Variants in DLG2 observed in about 807,000 individuals in gnomAD.
The protein encoded by DLG2 is discs large MAGUK scaffold protein 2.
Under a neutral mutation model 132.5 loss-of-function variants are expected in DLG2, and 45 were observed. That is an observed-to-expected ratio of 0.34 (90% CI 0.27 to 0.44). The LOEUF is 0.44. Among genes scored for constraint, DLG2 ranks in the 20% least tolerant of loss-of-function variants. The probability of loss-of-function intolerance (pLI) is 1.00; values close to 1 mark genes in which losing one functional copy is unlikely to be tolerated. For synonymous variants in DLG2, 424 were observed against 419.6 expected, an observed-to-expected ratio of 1.01 and a Z score of -0.13; for missense variants, 1,045 against 1,196.9, an observed-to-expected ratio of 0.87 and a Z score of 1.87.
chr11:85,411,195 C>A (rs1414686157), intron 3 of DLG2, among the ~76,000 whole-genome samples: 1 of 151,572 alleles, frequency 6.6e-6, no homozygotes, highest in Non-Finnish European at 1.5e-5. Flanking sequence ...ATGATCAAGG[C>A]AGTACCTTAT....
chr11:84,616,398 G>A (rs2099604517), intron 6 of DLG2, among the ~76,000 whole-genome samples: 2 of 152,048 alleles, frequency 1.3e-5, no homozygotes, highest in African/African-American at 4.8e-5. Flanking sequence ...AATAGGCAGG[G>A]GAACTGTCTG....
At chr11:84,502,059 TTTTTC>T (rs1241178087) in intron 7 of DLG2, among the ~76,000 whole-genome samples, 2 of 151,694 alleles carry the variant, frequency 1.3e-5, no homozygotes, top group Non-Finnish European at 2.9e-5. Context: ...TTCTTTTCTT[TTTTTC>T]TTTTCTTTTT....
At chr11:84,204,326 A>T (rs2096637582) in intron 8 of DLG2, among the ~76,000 whole-genome samples, 1 of 152,252 alleles carries the variant, frequency 6.6e-6, no homozygotes. Flanking sequence ...AACACAAAAA[A>T]TAGAAATAGA....
At position 83,541,663 on chromosome 11, in the gene DLG2, G is replaced by C; in HGVS notation, c.2117+19C>G. On this transcript the variant is annotated intron_variant, in intron 20 of 27. Coordinates refer to ENST00000376104, the MANE Select transcript of DLG2 (RefSeq NM_001142699.3). Reference sequence around the variant, plus strand: ...GGATAGCTGACAAGCAAATATTCTAGTACAAAAGGCATTCTTACCTCCTTT... The same window carrying C: ...GGATAGCTGACAAGCAAATATTCTACTACAAAAGGCATTCTTACCTCCTTT... 6 of 1,577,458 alleles carry C rather than the reference G, an allele frequency of 3.8e-6. No homozygotes were observed. The highest frequency in any genetic ancestry group is 1.2e-5 in the South Asian group (1 of 86,074).
intron 6 of DLG2, among the ~76,000 whole-genome samples, chr11:84,557,060 A>G (rs1208874261): frequency 6.6e-6 from 1 of 152,206 alleles, no homozygotes; most frequent in Non-Finnish European, 1.5e-5. Context: ...GTTTTCCCCA[A>G]TAGTCTTACT....
At chr11:84,169,587 T>C (rs1435853247) in intron 8 of DLG2, among the ~76,000 whole-genome samples, 1 of 152,096 alleles carries the variant, frequency 6.6e-6, no homozygotes, top group East Asian at 1.9e-4. Context: ...CAAAATATTA[T>C]TTTGGCCATG....
intron 6 of DLG2, among the ~76,000 whole-genome samples, chr11:85,097,389 C>T (rs1479266565): frequency 6.6e-6 from 1 of 152,130 alleles, no homozygotes; most frequent in Admixed American, 6.5e-5. Flanking sequence ...CCACCCGACT[C>T]AGAAGCTCAG....
intron 5 of DLG2, among the ~76,000 whole-genome samples, chr11:85,122,951 A>ATATATATAT (rs1555376305): frequency 9.0e-5 from 3 of 33,448 alleles, no homozygotes; most frequent in Non-Finnish European, 1.5e-4. Flanking sequence ...TATATATATT[A>ATATATATAT]TATATATATA....
intron 6 of DLG2, among the ~76,000 whole-genome samples, chr11:84,853,122 G>C (rs758385899): frequency 6.6e-5 from 10 of 151,904 alleles, no homozygotes; most frequent in Non-Finnish European, 1.2e-4. Context: ...GTTCAGAGTG[G>C]TTATTTGCTT....
chr11:84,513,418 AT>A (rs1463903052), intron 7 of DLG2, among the ~76,000 whole-genome samples: 1 of 152,094 alleles, frequency 6.6e-6, no homozygotes, highest in African/African-American at 2.4e-5. Context: ...GAGGAATCAC[AT>A]TACCCGACTT....
In DLG2 at chr11:84,818,566, G is replaced by A. The variant is rs1006154974; in HGVS notation, c.358-283835C>T. On this transcript the variant is annotated intron_variant, in intron 6 of 27. Transcript: ENST00000376104. ...GAAGTTCAGAGACATTTACCATGAA[G>A]CTAAAGAAGGTCTCTTACTTGCATG... 2.0e-5 allele frequency among the ~76,000 whole-genome samples: 3 copies of A among 151,892 alleles called. No homozygotes were observed. The East Asian group carries it at 5.8e-4, about 30-fold the overall frequency.
chr11:85,162,136 T>A (rs2078079528), intron 4 of DLG2, among the ~76,000 whole-genome samples: 1 of 152,160 alleles, frequency 6.6e-6, no homozygotes, highest in Non-Finnish European at 1.5e-5. Flanking sequence ...AGAAGGGAGT[T>A]ATAGTGTTGG....
At chr11:83,948,438 C>A (rs984899923) in intron 14 of DLG2, among the ~76,000 whole-genome samples, 2 of 152,156 alleles carry the variant, frequency 1.3e-5, no homozygotes, top group Non-Finnish European at 1.5e-5. Flanking sequence ...ACTGACTCCC[C>A]ACCCAGCACT....
chr11:84,584,005 A>G (rs954623179), intron 6 of DLG2, among the ~76,000 whole-genome samples: 1 of 152,118 alleles, frequency 6.6e-6, no homozygotes, highest in African/African-American at 2.4e-5. Context: ...TTTTCCTTTT[A>G]GAAACAAAGC....
intron 11 of DLG2, among the ~76,000 whole-genome samples, chr11:83,995,246 T>C (rs1333902851): frequency 1.3e-5 from 2 of 152,132 alleles, no homozygotes; most frequent in East Asian, 3.9e-4. Context: ...AAACAGCATA[T>C]GTTAGTACAT....
intron 11 of DLG2, among the ~76,000 whole-genome samples, chr11:84,004,553 AC>A (rs1322433820): frequency 6.6e-6 from 1 of 151,908 alleles, no homozygotes; most frequent in Non-Finnish European, 1.5e-5. Context: ...AAAATACTAC[AC>A]CAAAAAACTC....
At chr11:84,331,515 T>C (rs1026527976) in intron 7 of DLG2, among the ~76,000 whole-genome samples, 5 of 150,078 alleles carry the variant, frequency 3.3e-5, no homozygotes, top group African/African-American at 4.9e-5. Flanking sequence ...CTTTTGGTGA[T>C]GTAAGTACTT....
intron 3 of DLG2, among the ~76,000 whole-genome samples, chr11:85,369,468 CT>C (rs923324673): frequency 2.6e-5 from 4 of 151,394 alleles, no homozygotes; most frequent in African/African-American, 7.3e-5. Flanking sequence ...TAACCTTTAA[CT>C]TTTTTTTTCC....
chr11:84,773,151 C>T lies in DLG2; in HGVS notation c.358-238420G>A, dbSNP rs1041336115. 2.6e-5 allele frequency among the ~76,000 whole-genome samples: 4 copies of T among 152,106 alleles called. No individual in the cohort carries two copies. In the South Asian group the frequency reaches 6.2e-4, roughly 24 times the overall value. On this transcript the variant is annotated intron_variant, in intron 6 of 27. Transcript: ENST00000376104. ...AGCTCTCCAGAAACCATTATGAACA[C>T]CTCCATGAACAAAAACTAGAAAATC...
Sources: gnomAD v4.1 joint callset for allele counts (sites outside exome capture counted in the v4.1 genomes callset) on GRCh38, gnomAD v4.1.1 for gene constraint, MANE v1.5 for transcripts, NCBI Gene and HGNC (gene_info 2026-07-23, HGNC 2026-07-21) for gene names.